Variants in GRIK1 observed in about 807,000 individuals in gnomAD.
GRIK1 encodes glutamate ionotropic receptor kainate type subunit 1.
A neutral mutation model predicts 105.7 loss-of-function variants in GRIK1; 69 were observed. That is an observed-to-expected ratio of 0.65 (90% CI 0.54 to 0.80). The LOEUF is 0.80. Ranked by LOEUF, GRIK1 falls within the 30% of genes least tolerant of loss-of-function variation. GRIK1 has a pLI of 0.00. For synonymous variants in GRIK1, 438 were observed against 431.3 expected (o/e 1.02, Z -0.19); for missense variants, 1,109 against 1,167.3 (o/e 0.95, Z 0.73).
chr21:29,717,587 C>T (rs2064210086), intron 1 of GRIK1, among the ~76,000 whole-genome samples: 1 of 152,216 alleles, frequency 6.6e-6, no homozygotes, highest in Admixed American at 6.5e-5. Flanking sequence ...CCTGTGGCCC[C>T]TTTGTTTTGG....
intron 1 of GRIK1, among the ~76,000 whole-genome samples, chr21:29,907,923 T>A (rs564546882): frequency 6.6e-6 from 1 of 152,154 alleles, no homozygotes; most frequent in African/African-American, 2.4e-5. Flanking sequence ...CAATTTTATT[T>A]AAGTTTTACT....
At position 29,892,402 on chromosome 21, in the gene GRIK1, C is replaced by T. The variant is rs184882541; in HGVS notation, c.118+46981G>A. 3.6e-3 allele frequency among the ~76,000 whole-genome samples: 552 copies of T among 152,290 alleles called. 2 individuals carry two copies. The highest frequency in any genetic ancestry group is 6.3e-3 in the Non-Finnish European group (431 of 68,020). ...GGCAGTGAGGAGATGTTTCTATTTA[C>T]GCGGAGGGAAGAATAATTGGGAGAG... On this transcript the variant is annotated intron_variant, in intron 1 of 17. Coordinates refer to ENST00000327783, the MANE Select transcript of GRIK1 (RefSeq NM_001330994.2).
At chr21:29,657,472 A>G (rs1170367417) in intron 4 of GRIK1, 1 of 152,258 alleles carries the variant, frequency 6.6e-6, no homozygotes, top group Non-Finnish European at 1.5e-5. Context: ...AGCCAACAGG[A>G]CAGCTGTTAT....
chr21:29,890,307 G>A (rs1355031939), intron 1 of GRIK1, among the ~76,000 whole-genome samples: 1 of 152,120 alleles, frequency 6.6e-6, no homozygotes, highest in East Asian at 1.9e-4. Flanking sequence ...AAATCAATAT[G>A]TAAAATAAAT....
chr21:29,809,352 G>A (rs961318882), intron 1 of GRIK1, among the ~76,000 whole-genome samples: 1 of 152,154 alleles, frequency 6.6e-6, no homozygotes, highest in Non-Finnish European at 1.5e-5. Flanking sequence ...CTCTACTGTA[G>A]TCTAAGTGTG....
At chr21:29,918,878 G>A (rs1258848753) in intron 1 of GRIK1, among the ~76,000 whole-genome samples, 13 of 152,136 alleles carry the variant, frequency 8.5e-5, no homozygotes, top group African/African-American at 3.1e-4. Context: ...GTCTAGGTCA[G>A]CATTCTGGCA....
chr21:29,653,666 G>A (rs1568936841), intron 5 of GRIK1, among the ~76,000 whole-genome samples: 2 of 152,246 alleles, frequency 1.3e-5, no homozygotes, highest in Non-Finnish European at 2.9e-5. Flanking sequence ...ACACTTTGCA[G>A]TTCTCAAGTT....
At chr21:29,790,148 C>T (rs1168093648) in intron 1 of GRIK1, among the ~76,000 whole-genome samples, 1 of 152,162 alleles carries the variant, frequency 6.6e-6, no homozygotes, top group Non-Finnish European at 1.5e-5. Context: ...CTCCCAGGTT[C>T]AAGCGATTCT....
At chr21:29,777,723 G>A (rs1444081301) in intron 1 of GRIK1, among the ~76,000 whole-genome samples, 1 of 152,136 alleles carries the variant, frequency 6.6e-6, no homozygotes, top group East Asian at 1.9e-4. Context: ...GGGATAACAC[G>A]ATCTGATCCT....
chr21:29,800,934 T>G (rs556784308), intron 1 of GRIK1, among the ~76,000 whole-genome samples: 1 of 152,208 alleles, frequency 6.6e-6, no homozygotes, highest in East Asian at 1.9e-4. Context: ...ATTGCTTTGA[T>G]TTTGCCTCAT....
intron 1 of GRIK1, among the ~76,000 whole-genome samples, chr21:29,843,507 T>C (rs142163477): frequency 6.6e-6 from 1 of 152,212 alleles, no homozygotes; most frequent in Non-Finnish European, 1.5e-5. Flanking sequence ...ACTGTGCCAA[T>C]ATTTTGAAAT....
At chr21:29,763,604 C>T (rs1268399963) in intron 1 of GRIK1, 2 of 152,450 alleles carry the variant, frequency 1.3e-5, no homozygotes, top group Middle Eastern at 3.4e-3. Flanking sequence ...GGGTGGCTGA[C>T]TCTGATGATA....
chr21:29,563,956 G>A (rs1568821964), intron 14 of GRIK1, among the ~76,000 whole-genome samples: 1 of 152,118 alleles, frequency 6.6e-6, no homozygotes, highest in Non-Finnish European at 1.5e-5. Flanking sequence ...GGAGGTGGAT[G>A]TCTATATTGC....
intron 1 of GRIK1, among the ~76,000 whole-genome samples, chr21:29,808,573 T>G (rs1036169590): frequency 6.6e-6 from 1 of 152,154 alleles, no homozygotes; most frequent in Non-Finnish European, 1.5e-5. Flanking sequence ...ATATTACAGA[T>G]GAATAAGAAT....
At chr21:29,784,210 T>G (rs923407576) in intron 1 of GRIK1, among the ~76,000 whole-genome samples, 2 of 152,232 alleles carry the variant, frequency 1.3e-5, no homozygotes, top group African/African-American at 4.8e-5. Context: ...TAGTCTCACG[T>G]TGATGGATGT....
chr21:29,764,474 A>T (rs1271905591), intron 1 of GRIK1, among the ~76,000 whole-genome samples: 4 of 152,008 alleles, frequency 2.6e-5, no homozygotes, highest in South Asian at 4.1e-4. Context: ...TAATTTCCCT[A>T]TTGCAAAGTC....
rs8131969 is a variant in GRIK1, at chr21:29,825,814, G to A, written c.118+113569C>T. On this transcript the variant is annotated intron_variant, in intron 1 of 17. Transcript: ENST00000327783. ...ATAATTTTTAAGTCTGTAATGCACAGGCAGTCAGATTCTGGATCACGATGA... is the reference window on the plus strand; with the variant it reads ...ATAATTTTTAAGTCTGTAATGCACAAGCAGTCAGATTCTGGATCACGATGA... 7.6e-3 allele frequency among the ~76,000 whole-genome samples: 1,159 copies of A among 152,154 alleles called. 16 individuals are homozygous for A. Among genetic ancestry groups the A allele is most frequent in the African/African-American group, 0.027 (1,115 of 41,532 alleles).
intron 1 of GRIK1, among the ~76,000 whole-genome samples, chr21:29,807,918 A>T (rs1398600959): frequency 6.6e-6 from 1 of 152,090 alleles, no homozygotes; most frequent in East Asian, 1.9e-4. Context: ...TTCCATGGTG[A>T]TATGCACTGG....
At chr21:29,795,670 G>A (rs959240575) in intron 1 of GRIK1, among the ~76,000 whole-genome samples, 4 of 152,072 alleles carry the variant, frequency 2.6e-5, no homozygotes, top group South Asian at 2.1e-4. Flanking sequence ...AGAATTTCCC[G>A]AATACTCTTT....
Sources: gnomAD v4.1 joint callset for allele counts (sites outside exome capture counted in the v4.1 genomes callset) on GRCh38, gnomAD v4.1.1 for gene constraint, MANE v1.5 for transcripts, NCBI Gene and HGNC (gene_info 2026-07-23, HGNC 2026-07-21) for gene names.